The following ANKRD27 variants were observed in gnomAD, a reference collection of about 807,000 sequenced individuals.
ANKRD27 encodes ankyrin repeat domain 27.
In ANKRD27, 112 loss-of-function variants were observed where a neutral mutation model predicts 129.7. The observed-to-expected ratio is 0.86, with a 90% CI of 0.74 to 1.01. The LOEUF is 1.01. ANKRD27 is among the 50% of genes least tolerant of loss of function. ANKRD27 has a pLI of 0.00. For missense variants in ANKRD27, 1,258 were observed against 1,300.5 expected (o/e 0.97, Z 0.50); for synonymous variants, 516 against 511.2 (o/e 1.01, Z -0.13).
At chr19:32,632,738 G>A (rs750596225) in intron 12 of ANKRD27, among the ~76,000 whole-genome samples, 1 of 152,172 alleles carries the variant, frequency 6.6e-6, no homozygotes, top group South Asian at 2.1e-4. Context: ...TTGGTGGGAA[G>A]TCAAGGGAAT....
rs372584356 is a variant in ANKRD27, at chr19:32,628,701, C to T, written c.1337+21G>A. 1.9e-6 allele frequency: 3 copies of T among 1,613,000 alleles called. No individual in the cohort carries two copies. The African/African-American group carries it at 4.0e-5, about 22-fold the overall frequency. On this transcript the variant is annotated intron_variant, in intron 14 of 28. Coordinates refer to ENST00000306065, the MANE Select transcript of ANKRD27 (RefSeq NM_032139.3). ...GTCTCCTGCTTCCTGGCACTCTGAG[C>T]CTCCACCAGCACCCTCTTACCCAGA...
intron 17 of ANKRD27, among the ~76,000 whole-genome samples, chr19:32,623,172 G>A (rs916151085): frequency 5.8e-5 from 8 of 138,180 alleles, no homozygotes; most frequent in South Asian, 2.4e-4. Flanking sequence ...TCCATGTACA[G>A]AACAGAGTTA....
In ANKRD27 at chr19:32,602,092, G is replaced by A; in HGVS notation, c.2690C>T (p.Pro897Leu). ...ATCATCTAATGAAGCAACACAGCTT[G>A]GTACCACCTGAAGCAATTCCATTAT... is the stretch of plus-strand genomic sequence containing the variant. ...SKIMELLQVV[P>L]SCVASLDDVA... is the part of the protein sequence containing the mutation. Residue 897 changes from proline (P) to leucine (L), a missense_variant, in exon 26 of 29, where the codon CCA becomes CTA. Pro to Leu is a moderately conservative substitution (Grantham distance 98). Transcript: ENST00000306065. 2 of 1,613,592 alleles carry A rather than the reference G, an allele frequency of 1.2e-6. No individual in the cohort carries two copies. The highest frequency in any genetic ancestry group is 4.5e-5 in the East Asian group (2 of 44,864).
At chr19:32,609,671 A>AG (rs1245237122) in intron 22 of ANKRD27, among the ~76,000 whole-genome samples, 1 of 118,622 alleles carries the variant, frequency 8.4e-6, no homozygotes, top group African/African-American at 3.1e-5. Flanking sequence ...GGGGGGTCAT[A>AG]GTGGGGGGGA....
chr19:32,625,847 C>G (rs202059178), intron 17 of ANKRD27, 27 bp downstream of exon 17: 38 of 1,520,920 alleles, frequency 2.5e-5, no homozygotes, highest in African/African-American at 5.6e-5. Context: ...TGAACGCAGC[C>G]CCCCCGGAAC....
At chr19:32,674,014 G>C (rs7252792) in intron 1 of ANKRD27, among the ~76,000 whole-genome samples, 5 of 150,940 alleles carry the variant, frequency 3.3e-5, no homozygotes, top group African/African-American at 1.2e-4. Context: ...AAAATTAGCC[G>C]TGCATAGTGG....
intron 22 of ANKRD27, among the ~76,000 whole-genome samples, chr19:32,609,590 C>T (rs1355855640): frequency 1.3e-5 from 2 of 149,316 alleles, no homozygotes; most frequent in Non-Finnish European, 3.0e-5. Context: ...AAAAGATTCT[C>T]GAAAGTGTTA....
intron 2 of ANKRD27, among the ~76,000 whole-genome samples, chr19:32,651,559 ACGGG>A (rs971057132): frequency 6.6e-6 from 1 of 151,928 alleles, no homozygotes; most frequent in Admixed American, 6.6e-5. Flanking sequence ...TTTAGTAGAG[ACGGG>A]GTTTCACCGT....
chr19:32,635,206 C>A (rs1967067120), intron 12 of ANKRD27, among the ~76,000 whole-genome samples: 1 of 152,174 alleles, frequency 6.6e-6, no homozygotes, highest in African/African-American at 2.4e-5. Flanking sequence ...CCCAGCAAGG[C>A]ACAGCAGAGT....
chr19:32,617,549 A>C (rs759600968), intron 21 of ANKRD27, 40 bp downstream of exon 21: 1 of 735,782 alleles, frequency 1.4e-6, no homozygotes, highest in South Asian at 1.5e-5. Flanking sequence ...CCTGTCTCTA[A>C]AAAATAAAAA....
intron 1 of ANKRD27, among the ~76,000 whole-genome samples, chr19:32,662,451 C>A (rs1335941679): frequency 6.6e-6 from 1 of 151,084 alleles, no homozygotes; most frequent in East Asian, 2.0e-4. Flanking sequence ...AGAGGTCTTA[C>A]AGGGGCTGGG....
intron 22 of ANKRD27, among the ~76,000 whole-genome samples, chr19:32,614,619 G>A (rs1489524062): frequency 6.6e-6 from 1 of 152,024 alleles, no homozygotes; most frequent in African/African-American, 2.4e-5. Context: ...CAGGGGAATC[G>A]CTTCAACCCG....
chr19:32,599,390 G>A (rs912070018), intron 28 of ANKRD27, among the ~76,000 whole-genome samples: 8 of 152,138 alleles, frequency 5.3e-5, no homozygotes, highest in African/African-American at 9.7e-5. Flanking sequence ...ACAAACTGTC[G>A]TTTTCTTTCT....
At position 32,631,394 on chromosome 19, in the gene ANKRD27, T is replaced by C. The variant is rs368029193; in HGVS notation, c.1209+8A>G. ...ACATTTACCCACAGAGATGTCTTGG[T>C]ATCTCACCTTAAACAGGCAGTCGGT... On this transcript the variant is annotated splice_region_variant and intron_variant, in intron 13 of 28. Coordinates refer to ENST00000306065, the MANE Select transcript of ANKRD27 (RefSeq NM_032139.3). 3.0e-5 allele frequency: 48 copies of C among 1,611,656 alleles called. No homozygotes were observed. The highest frequency in any genetic ancestry group is 4.0e-5 in the Non-Finnish European group (47 of 1,177,884).
At chr19:32,653,207 A>G (rs1273257783) in intron 2 of ANKRD27, among the ~76,000 whole-genome samples, 1 of 152,010 alleles carries the variant, frequency 6.6e-6, no homozygotes, top group Non-Finnish European at 1.5e-5. Flanking sequence ...ATCTATACTA[A>G]ATAAATTCTG....
At chr19:32,660,269 G>C (rs1967619133) in intron 1 of ANKRD27, among the ~76,000 whole-genome samples, 1 of 152,214 alleles carries the variant, frequency 6.6e-6, no homozygotes, top group African/African-American at 2.4e-5. Context: ...ATGCAGCCGG[G>C]CACAGTGGCT....
chr19:32,608,950 T>C (rs1971792955), intron 22 of ANKRD27, among the ~76,000 whole-genome samples: 9 of 152,104 alleles, frequency 5.9e-5, no homozygotes, highest in Admixed American at 5.9e-4. Flanking sequence ...CACTGCAATC[T>C]CTGCCTCTCC....
intron 17 of ANKRD27, among the ~76,000 whole-genome samples, chr19:32,623,081 T>G (rs1249730733): frequency 1.3e-5 from 2 of 151,958 alleles, no homozygotes; most frequent in East Asian, 3.9e-4. Flanking sequence ...TGTGAGCCAC[T>G]GCGCTCAGCC....
rs111570660 is a variant in ANKRD27, at chr19:32,650,033, G to A, written c.103-241C>T. On this transcript the variant is annotated intron_variant, in intron 2 of 28. Coordinates refer to ENST00000306065, the MANE Select transcript of ANKRD27 (RefSeq NM_032139.3). ...CTCACCCCACCACAGGCAGAGGGAG[G>A]AGGCGAACAGTACAAATCCTTCTCC... Among the ~76,000 whole-genome samples the A allele has an allele frequency of 1.6e-4, 25 of 152,270 alleles. 1 individual carries two copies. The highest frequency in any genetic ancestry group is 6.0e-4 in the African/African-American group (25 of 41,570).
Sources: allele counts gnomAD v4.1 joint callset (sites outside exome capture counted in the v4.1 genomes callset), GRCh38; gene constraint gnomAD v4.1.1; transcripts MANE v1.5; gene names NCBI Gene and HGNC (gene_info 2026-07-23, HGNC 2026-07-21).